JMJD1C: variants seen among roughly 807,000 people sequenced by gnomAD.
The protein encoded by JMJD1C is jumonji domain containing 1C.
A neutral mutation model predicts 245.3 loss-of-function variants in JMJD1C; 31 were observed. The observed-to-expected ratio is 0.13, with a 90% CI of 0.09 to 0.17. JMJD1C has a LOEUF of 0.17. Among genes scored for constraint, JMJD1C ranks in the 10% least tolerant of loss-of-function variants. The probability of loss-of-function intolerance (pLI) is 1.00; values close to 1 mark genes in which losing one functional copy is unlikely to be tolerated. For synonymous variants in JMJD1C, 1,057 were observed against 1,017.4 expected, an observed-to-expected ratio of 1.04 and a Z score of -0.74; for missense variants, 2,691 against 3,000.2, an observed-to-expected ratio of 0.90 and a Z score of 2.41.
chr10:63,350,735 G>GCCT (rs917443080), intron 2 of JMJD1C, among the ~76,000 whole-genome samples: 42 of 151,376 alleles, frequency 2.8e-4, no homozygotes, highest in African/African-American at 9.5e-4. Flanking sequence ...TCCTGCCTCA[G>GCCT]CCTCCTGAGT....
At chr10:63,415,255 A>T (rs1447108707) in intron 1 of JMJD1C, among the ~76,000 whole-genome samples, 1 of 88,342 alleles carries the variant, frequency 1.1e-5, no homozygotes, top group African/African-American at 4.2e-5. Context: ...TTAAATCTTT[A>T]AATTTTAGTG....
chr10:63,451,162 T>C (rs1325323579), intron 1 of JMJD1C, among the ~76,000 whole-genome samples: 1 of 152,164 alleles, frequency 6.6e-6, no homozygotes, highest in Non-Finnish European at 1.5e-5. Context: ...ACATCTGTGT[T>C]TGTGGATCAG....
At chr10:63,285,722 C>G (rs957361583) in intron 2 of JMJD1C, among the ~76,000 whole-genome samples, 2 of 152,130 alleles carry the variant, frequency 1.3e-5, no homozygotes, top group Non-Finnish European at 2.9e-5. Flanking sequence ...TTGGGAGAAT[C>G]ACCTGAGCCC....
intron 21 of JMJD1C, 41 bp downstream of exon 21, chr10:63,184,567 A>G (rs1843894679): frequency 1.9e-6 from 3 of 1,548,722 alleles, no homozygotes; most frequent in East Asian, 4.7e-5. Context: ...TAAAAAATCC[A>G]ATATAATTCC....
intron 2 of JMJD1C, among the ~76,000 whole-genome samples, chr10:63,366,851 T>G (rs1488655522): frequency 6.6e-6 from 1 of 152,136 alleles, no homozygotes; most frequent in Non-Finnish European, 1.5e-5. Flanking sequence ...ATAAATAAAG[T>G]TACTATATAA....
At chr10:63,457,760 T>C (rs1165266310) in intron 1 of JMJD1C, among the ~76,000 whole-genome samples, 1 of 152,222 alleles carries the variant, frequency 6.6e-6, no homozygotes, top group Non-Finnish European at 1.5e-5. Context: ...AGAAGCAATA[T>C]GGCAGAGTAC....
At chr10:63,342,691 A>G (rs541963461) in intron 2 of JMJD1C, among the ~76,000 whole-genome samples, 1 of 152,324 alleles carries the variant, frequency 6.6e-6, no homozygotes, top group African/African-American at 2.4e-5. Flanking sequence ...ATGATATTTC[A>G]TATTTTTACT....
At chr10:63,172,825 G>A (rs1384146141) in intron 24 of JMJD1C, among the ~76,000 whole-genome samples, 1 of 149,962 alleles carries the variant, frequency 6.7e-6, no homozygotes, top group African/African-American at 2.5e-5. Flanking sequence ...CCCTGGGGGA[G>A]GGGGGAAACA....
intron 2 of JMJD1C, among the ~76,000 whole-genome samples, chr10:63,318,004 C>T (rs1032017260): frequency 6.6e-6 from 1 of 151,902 alleles, no homozygotes; most frequent in African/African-American, 2.4e-5. Flanking sequence ...TGCACCACCA[C>T]GCTCGTTTTG....
chr10:63,258,947 A>G (rs1854336711), intron 3 of JMJD1C, among the ~76,000 whole-genome samples: 1 of 152,214 alleles, frequency 6.6e-6, no homozygotes, highest in African/African-American at 2.4e-5. Flanking sequence ...ACTGTAGGAC[A>G]AAAATAATTA....
Position 63,176,438 on chromosome 10 carries a change from T to C in JMJD1C, c.7260A>G (p.Glu2420=). Residue 2420 remains glutamate, a synonymous_variant, in exon 24 of 26, where the codon GAA becomes GAG. Transcript: ENST00000399262. ...AACTTTGGTCACGTATTGGATCATG[T>C]TCTGGTAGAACTTCAAGGCCTTGTT... ...SKEQGLEVLP[E]HDPIRDQSWY... is the part of the protein sequence containing the mutation. The C allele has an allele frequency of 1.2e-6, 2 of 1,613,968 alleles. No individual in the cohort carries two copies. The highest frequency in any genetic ancestry group is 2.7e-5 in the African/African-American group (2 of 75,058).
At chr10:63,285,913 T>C (rs1857936431) in intron 2 of JMJD1C, among the ~76,000 whole-genome samples, 1 of 152,232 alleles carries the variant, frequency 6.6e-6, no homozygotes, top group Non-Finnish European at 1.5e-5. Flanking sequence ...GCCCATTTGC[T>C]TGAGAGCAGC....
intron 3 of JMJD1C, among the ~76,000 whole-genome samples, chr10:63,261,210 A>T (rs533743935): frequency 6.6e-6 from 1 of 152,256 alleles, no homozygotes; most frequent in South Asian, 2.1e-4. Flanking sequence ...CTTTTTAGTC[A>T]TGTTTCTTTC....
At chr10:63,478,792 T>C (rs1021792048) in intron 1 of JMJD1C, among the ~76,000 whole-genome samples, 4 of 152,154 alleles carry the variant, frequency 2.6e-5, no homozygotes, top group African/African-American at 9.7e-5. Flanking sequence ...TGGCTGACCT[T>C]AGTCTCCAGA....
intron 1 of JMJD1C, among the ~76,000 whole-genome samples, chr10:63,512,675 T>C (rs1455889039): frequency 1.3e-5 from 2 of 151,860 alleles, no homozygotes; most frequent in African/African-American, 4.8e-5. Context: ...GTGTAGATTT[T>C]TGGCACTTAC....
intron 4 of JMJD1C, among the ~76,000 whole-genome samples, chr10:63,218,612 T>C (rs1225811159): frequency 1.3e-5 from 2 of 152,118 alleles, no homozygotes; most frequent in African/African-American, 2.4e-5. Flanking sequence ...CTACTTAACA[T>C]AGCTTAGAGT....
intron 18 of JMJD1C, among the ~76,000 whole-genome samples, chr10:63,186,679 G>A (rs758814157): frequency 6.6e-6 from 1 of 152,176 alleles, no homozygotes; most frequent in Admixed American, 6.5e-5. Context: ...GCGGAGGGTA[G>A]ATGTCCTCTC....
At chr10:63,174,716 C>G (rs919802098) in intron 24 of JMJD1C, among the ~76,000 whole-genome samples, 1 of 151,914 alleles carries the variant, frequency 6.6e-6, no homozygotes, top group African/African-American at 2.4e-5. Flanking sequence ...GCCTGTAATC[C>G]GCAGCTACTC....
In JMJD1C at chr10:63,465,219, G is replaced by T. The variant is rs1005373479; in HGVS notation, c.168+276C>A. The T allele has an allele frequency of 7.7e-6, 3 of 389,666 alleles. No homozygotes were observed. The Admixed American group carries it at 1.4e-4, about 18-fold the overall frequency. 24.1% of individuals were successfully genotyped at this position (389,666 alleles called of 1,614,324 possible). On this transcript the variant is annotated intron_variant, in intron 1 of 25. Transcript: ENST00000399262. ...TCCGTGGCCGCCCAGGCGCCACAGC[G>T]GGGAGCCGCGGTCGACCCCTCCGGG...
Sources: gnomAD v4.1 joint callset for allele counts (sites outside exome capture counted in the v4.1 genomes callset) on GRCh38, gnomAD v4.1.1 for gene constraint, MANE v1.5 for transcripts, NCBI Gene and HGNC (gene_info 2026-07-23, HGNC 2026-07-21) for gene names.